Variants in CDH12 observed in about 807,000 individuals in gnomAD.
The protein encoded by CDH12 is cadherin-12.
In CDH12, 41 loss-of-function variants were observed where a neutral mutation model predicts 74.1. The ratio of observed to expected loss-of-function variants is 0.55; its 90% CI spans 0.43 to 0.72. The LOEUF (loss-of-function observed/expected upper bound fraction) is 0.72. Among genes scored for constraint, CDH12 ranks in the 30% least tolerant of loss-of-function variants. The pLI is 0.00. For missense variants in CDH12, 945 were observed against 977.2 expected, an observed-to-expected ratio of 0.97 and a Z score of 0.44; for synonymous variants, 399 against 355.0, an observed-to-expected ratio of 1.12 and a Z score of -1.39.
At chr5:22,201,198 T>A (rs1165857002) in intron 4 of CDH12, among the ~76,000 whole-genome samples, 2 of 152,122 alleles carry the variant, frequency 1.3e-5, no homozygotes, top group Non-Finnish European at 2.9e-5. Flanking sequence ...CACATTGAAA[T>A]GGATGCAGCC....
chr5:21,941,299 C>T (rs1340242164), intron 6 of CDH12, among the ~76,000 whole-genome samples: 1 of 152,060 alleles, frequency 6.6e-6, no homozygotes, highest in Non-Finnish European at 1.5e-5. Flanking sequence ...AACAAATTAA[C>T]CTTGCCTGAC....
chr5:22,031,303 C>A (rs964860645), intron 5 of CDH12, among the ~76,000 whole-genome samples: 1 of 139,778 alleles, frequency 7.2e-6, no homozygotes, highest in Non-Finnish European at 1.5e-5. Context: ...CACTGAACTC[C>A]AGCCTGGGCA....
intron 2 of CDH12, among the ~76,000 whole-genome samples, chr5:22,495,202 A>G (rs418811): frequency 0.95 from 144,674 of 152,192 alleles, 68,881 homozygotes; most frequent in African/African-American, 0.98. Flanking sequence ...CAAACAACAC[A>G]AAAAAATGGA....
chr5:22,656,928 C>G (rs951215414), intron 1 of CDH12, among the ~76,000 whole-genome samples: 7 of 152,084 alleles, frequency 4.6e-5, no homozygotes, highest in African/African-American at 1.7e-4. Context: ...CCTTGACCTC[C>G]TGGGTTCATG....
intron 6 of CDH12, among the ~76,000 whole-genome samples, chr5:21,861,717 C>G (rs1298125592): frequency 1.3e-5 from 2 of 152,030 alleles, no homozygotes; most frequent in South Asian, 2.1e-4. Context: ...ACAGCTGGAT[C>G]AAAAAGCATA....
chr5:22,695,020 T>C (rs1042502562), intron 1 of CDH12, among the ~76,000 whole-genome samples: 5 of 152,026 alleles, frequency 3.3e-5, no homozygotes, highest in Non-Finnish European at 7.4e-5. Context: ...TCCTGGTGTG[T>C]GATGTTCCCC....
intron 6 of CDH12, among the ~76,000 whole-genome samples, chr5:21,856,408 T>A (rs549938512): frequency 2.6e-5 from 4 of 151,712 alleles, no homozygotes; most frequent in African/African-American, 9.7e-5. Context: ...AATATTACAA[T>A]TGAAAAACTA....
At chr5:22,305,417 A>G (rs991069481) in intron 3 of CDH12, among the ~76,000 whole-genome samples, 3 of 152,248 alleles carry the variant, frequency 2.0e-5, no homozygotes, top group African/African-American at 7.2e-5. Flanking sequence ...TTTTTTAAAA[A>G]GAAACTACTC....
At chr5:21,787,432 A>G (rs1746257105) in intron 10 of CDH12, among the ~76,000 whole-genome samples, 1 of 146,812 alleles carries the variant, frequency 6.8e-6, no homozygotes, top group African/African-American at 2.5e-5. Flanking sequence ...GTTTTGCAAT[A>G]AAATATTTTT....
At chr5:22,744,241 A>G (rs1038519696) in intron 1 of CDH12, among the ~76,000 whole-genome samples, 1 of 152,110 alleles carries the variant, frequency 6.6e-6, no homozygotes, top group African/African-American at 2.4e-5. Context: ...CATCCTGGCT[A>G]ACATGGTGAA....
chr5:22,137,075 C>G (rs886681775), intron 4 of CDH12, among the ~76,000 whole-genome samples: 2 of 151,494 alleles, frequency 1.3e-5, no homozygotes, highest in Non-Finnish European at 2.9e-5. Flanking sequence ...CTATGAAATT[C>G]TTTAATCTGG....
chr5:22,343,574 C>T (rs183866646), intron 3 of CDH12, among the ~76,000 whole-genome samples: 1,616 of 152,138 alleles, frequency 0.011, 16 homozygotes, highest in Non-Finnish European at 0.015. Flanking sequence ...CCCGCCACCA[C>T]GCCCAGCTAA....
chr5:22,768,362 A>G (rs1746630158), intron 1 of CDH12, among the ~76,000 whole-genome samples: 1 of 152,068 alleles, frequency 6.6e-6, no homozygotes, highest in Non-Finnish European at 1.5e-5. Context: ...ATTCAAAACC[A>G]TTCAGTTATG....
chr5:22,115,550 T>C (rs961269766), intron 4 of CDH12, among the ~76,000 whole-genome samples: 3 of 152,198 alleles, frequency 2.0e-5, no homozygotes, highest in Admixed American at 2.0e-4. Flanking sequence ...GCTATAGTAT[T>C]ATGTGATGCA....
chr5:22,118,799 G>A (rs1197524056), intron 4 of CDH12, among the ~76,000 whole-genome samples: 2 of 151,810 alleles, frequency 1.3e-5, no homozygotes, highest in African/African-American at 2.4e-5. Context: ...ACATCTGAAC[G>A]TGTCATAGGC....
intron 4 of CDH12, among the ~76,000 whole-genome samples, chr5:22,171,271 G>A (rs560425872): frequency 6.6e-6 from 1 of 151,812 alleles, no homozygotes; most frequent in Admixed American, 6.6e-5. Flanking sequence ...TTACCACACA[G>A]GAATCTCTAA....
chr5:21,973,012 T>C (rs1457913773), intron 6 of CDH12, among the ~76,000 whole-genome samples: 1 of 146,718 alleles, frequency 6.8e-6, no homozygotes, highest in African/African-American at 2.6e-5. Flanking sequence ...GAGAACAGCC[T>C]GGGCAACATA....
intron 4 of CDH12, among the ~76,000 whole-genome samples, chr5:22,107,907 G>A (rs189670700): frequency 3.8e-4 from 58 of 152,270 alleles, no homozygotes; most frequent in Non-Finnish European, 6.5e-4. Context: ...GGCATAAGAT[G>A]AGATACTATA....
At chr5:22,155,568 A>T (rs1163650363) in intron 4 of CDH12, among the ~76,000 whole-genome samples, 2 of 152,024 alleles carry the variant, frequency 1.3e-5, no homozygotes, top group East Asian at 1.9e-4. Context: ...AAATATAGTA[A>T]TTTTTTCTGG....
Sources: gnomAD v4.1 joint callset for allele counts (sites outside exome capture counted in the v4.1 genomes callset) on GRCh38, gnomAD v4.1.1 for gene constraint, MANE v1.5 for transcripts, NCBI Gene and HGNC (gene_info 2026-07-23, HGNC 2026-07-21) for gene names.